The following AGBL1 variants were observed in gnomAD, a reference collection of about 807,000 sequenced individuals.
AGBL1 encodes cytosolic carboxypeptidase 4.
Under a neutral mutation model 118.9 loss-of-function variants are expected in AGBL1, and 130 were observed. The ratio of observed to expected loss-of-function variants is 1.09; its 90% CI spans 0.95 to 1.26. The LOEUF is 1.26. Ranked by LOEUF, AGBL1 falls within the 50% of genes most tolerant of loss-of-function variation. The pLI is 0.00. For missense variants in AGBL1, 1,584 were observed against 1,298.1 expected, an observed-to-expected ratio of 1.22 and a Z score of -3.38; for synonymous variants, 555 against 478.9, an observed-to-expected ratio of 1.16 and a Z score of -2.08.
chr15:86,133,689 TC>T (rs1485140725), intron 1 of AGBL1, among the ~76,000 whole-genome samples: 1 of 152,222 alleles, frequency 6.6e-6, no homozygotes, highest in Non-Finnish European at 1.5e-5. Context: ...ATCATTGATA[TC>T]CTTGACAATT....
intron 22 of AGBL1, among the ~76,000 whole-genome samples, chr15:86,764,357 T>A (rs2078067281): frequency 6.6e-6 from 1 of 152,014 alleles, no homozygotes. Flanking sequence ...TATAGAAGCA[T>A]GCTGTTGTCA....
chr15:86,824,662 C>T (rs1468312673), intron 22 of AGBL1, among the ~76,000 whole-genome samples: 1 of 151,854 alleles, frequency 6.6e-6, no homozygotes, highest in Non-Finnish European at 1.5e-5. Context: ...TGAGATGAAT[C>T]ACTCTACCTG....
chr15:86,696,878 A>G (rs1170196674), intron 22 of AGBL1, among the ~76,000 whole-genome samples: 1 of 152,022 alleles, frequency 6.6e-6, no homozygotes, highest in African/African-American at 2.4e-5. Flanking sequence ...ACTGGATACA[A>G]AATTCTTGGT....
Position 86,731,954 on chromosome 15 carries a change from A to G in AGBL1, c.3158+57518A>G, listed in dbSNP as rs114129957. Among the ~76,000 whole-genome samples the G allele has an allele frequency of 6.1e-3, 936 of 152,304 alleles. 11 individuals are homozygous for G. The highest frequency in any genetic ancestry group is 0.021 in the African/African-American group (887 of 41,568). ...TTCTTTCTGCATTTACTCACGTGGCATTCCTCAAGGGCACTGATCTGCAGT... is the reference window on the plus strand; with the variant it reads ...TTCTTTCTGCATTTACTCACGTGGCGTTCCTCAAGGGCACTGATCTGCAGT... On this transcript the variant is annotated intron_variant, in intron 22 of 22. Transcript: ENST00000614907.
chr15:86,312,358 G>T (rs1471915362), intron 17 of AGBL1: 2 of 152,246 alleles, frequency 1.3e-5, no homozygotes, highest in Non-Finnish European at 2.9e-5. Context: ...CGAGGCGGTA[G>T]CTGGGAGCTC....
intron 23 of AGBL1, among the ~76,000 whole-genome samples, chr15:86,938,008 A>G (rs2080696872): frequency 1.3e-5 from 2 of 152,088 alleles, no homozygotes; most frequent in Admixed American, 6.6e-5. Context: ...GAAATGGCCA[A>G]TACAGTTGGT....
chr15:86,602,157 A>G (rs888569615), intron 21 of AGBL1, among the ~76,000 whole-genome samples: 1 of 151,980 alleles, frequency 6.6e-6, no homozygotes, highest in African/African-American at 2.4e-5. Flanking sequence ...GGCAAGCATT[A>G]GTAATCCCTT....
chr15:86,166,202 G>T (rs565644354), intron 5 of AGBL1, among the ~76,000 whole-genome samples: 1 of 152,276 alleles, frequency 6.6e-6, no homozygotes, highest in Non-Finnish European at 1.5e-5. Context: ...AACATGCTTT[G>T]AATTAGGACT....
chr15:87,014,486 A>G (rs1220910529), intron 24 of AGBL1, among the ~76,000 whole-genome samples: 2 of 152,232 alleles, frequency 1.3e-5, no homozygotes, highest in Admixed American at 1.3e-4. Context: ...AGAAGAAAAC[A>G]TGATGTAATT....
chr15:86,935,241 G>C (rs1358746128), intron 23 of AGBL1: 1 of 152,150 alleles, frequency 6.6e-6, no homozygotes, highest in African/African-American at 2.4e-5. Flanking sequence ...ATCAATTAGA[G>C]GGTCGTTCAG....
intron 24 of AGBL1, among the ~76,000 whole-genome samples, chr15:87,009,200 A>G (rs2081534044): frequency 6.6e-6 from 1 of 152,124 alleles, no homozygotes; most frequent in African/African-American, 2.4e-5. Flanking sequence ...GGCTCAGTAC[A>G]GGGTCCCTAT....
chr15:86,783,346 T>G (rs12906045), intron 22 of AGBL1, among the ~76,000 whole-genome samples: 48,477 of 152,166 alleles, frequency 0.32, 9,797 homozygotes, highest in Non-Finnish European at 0.47. Flanking sequence ...ACTATGGAAT[T>G]TCCTAATCTC....
chr15:86,336,874 G>T (rs1658051167), intron 17 of AGBL1, among the ~76,000 whole-genome samples: 2 of 152,168 alleles, frequency 1.3e-5, no homozygotes, highest in African/African-American at 2.4e-5. Context: ...CATGATCTTT[G>T]CATACCCAAC....
intron 18 of AGBL1, among the ~76,000 whole-genome samples, chr15:86,402,214 ATTT>A (rs942543187): frequency 1.3e-5 from 2 of 151,238 alleles, no homozygotes; most frequent in Non-Finnish European, 2.9e-5. Context: ...TTATTTATTT[ATTT>A]TTACAGCTGT....
chr15:86,214,121 A>C (rs1262963483), intron 5 of AGBL1, among the ~76,000 whole-genome samples: 1 of 152,222 alleles, frequency 6.6e-6, no homozygotes, highest in Admixed American at 6.5e-5. Context: ...ATCTCAATCA[A>C]ACAGGACAGA....
chr15:86,676,433 CA>C (rs1203184534), intron 22 of AGBL1, among the ~76,000 whole-genome samples: 2 of 151,998 alleles, frequency 1.3e-5, no homozygotes, highest in Non-Finnish European at 2.9e-5. Flanking sequence ...CTTATGGTCA[CA>C]AAAAGATGAC....
chr15:86,885,118 A>C (rs888273832), intron 22 of AGBL1, among the ~76,000 whole-genome samples: 1 of 46,048 alleles, frequency 2.2e-5, no homozygotes, highest in Non-Finnish European at 4.1e-5. Flanking sequence ...TGTGTAAAAT[A>C]ACTTTACATA....
intron 5 of AGBL1, among the ~76,000 whole-genome samples, chr15:86,183,305 A>G (rs1184050738): frequency 6.6e-6 from 1 of 152,190 alleles, no homozygotes; most frequent in Admixed American, 6.6e-5. Flanking sequence ...CATATCAGTA[A>G]GTTTTTTAAT....
intron 21 of AGBL1, among the ~76,000 whole-genome samples, chr15:86,590,198 GAGAGA>G (rs1279929022): frequency 6.6e-6 from 1 of 152,154 alleles, no homozygotes; most frequent in Non-Finnish European, 1.5e-5. Context: ...TTATGGGAGG[GAGAGA>G]AGAGGAGACT....
Sources: gnomAD v4.1 joint callset for allele counts (sites outside exome capture counted in the v4.1 genomes callset) on GRCh38, gnomAD v4.1.1 for gene constraint, MANE v1.5 for transcripts, NCBI Gene and HGNC (gene_info 2026-07-23, HGNC 2026-07-21) for gene names.